ODAD1: variants seen among roughly 807,000 people sequenced by gnomAD.
ODAD1 encodes outer dynein arm docking complex subunit 1, also known as outer dynein arm-docking complex subunit 1.
Under a neutral mutation model 67.2 loss-of-function variants are expected in ODAD1, and 49 were observed. The ratio of observed to expected loss-of-function variants is 0.73; its 90% CI spans 0.58 to 0.92. The LOEUF (loss-of-function observed/expected upper bound fraction) is 0.92, where lower values mean the gene tolerates loss of function less well. ODAD1 is among the 40% of genes least tolerant of loss of function. The pLI is 0.00. For synonymous variants in ODAD1, 345 were observed against 393.7 expected (o/e 0.88, Z 1.46); for missense variants, 897 against 953.7 (o/e 0.94, Z 0.78).
chr19:48,305,287 C>T (rs1459002232), intron 8 of ODAD1, among the ~76,000 whole-genome samples: 1 of 152,162 alleles, frequency 6.6e-6, no homozygotes. Flanking sequence ...TTACAGTGTG[C>T]CTCTATCTGA....
rs531422370 is a variant in ODAD1, at chr19:48,316,594, C to T, written c.360+1793G>A. ...GATACGTGCTTTGCAGATATTTTCT[C>T]CCAGTCTGGACCTTGTCTTTTCATT... On this transcript the variant is annotated intron_variant, in intron 5 of 15. Transcript: ENST00000674294. Among the ~76,000 whole-genome samples the T allele has an allele frequency of 2.6e-5, 4 of 152,276 alleles. No individual in the cohort carries two copies. In the South Asian group the frequency reaches 8.3e-4, roughly 32 times the overall value.
intron 5 of ODAD1, among the ~76,000 whole-genome samples, chr19:48,312,960 G>C (rs993210815): frequency 6.6e-6 from 1 of 152,008 alleles, no homozygotes; most frequent in African/African-American, 2.4e-5. Context: ...GTACTTATTG[G>C]GGTGTGCTCT....
chr19:48,302,664 G>A, intron 12 of ODAD1, 30 bp downstream of exon 12: 1 of 1,583,610 alleles, frequency 6.3e-7, no homozygotes, highest in Non-Finnish European at 8.6e-7. Context: ...GAGAAGCCAG[G>A]CTCGGGAGGG....
Position 48,298,007 on chromosome 19 carries a change from C to A in ODAD1, c.1495G>T (p.Asp499Tyr). 1 of 1,612,730 alleles carries A rather than the reference C, an allele frequency of 6.2e-7. No individual in the cohort carries two copies. The highest frequency in any genetic ancestry group is 1.1e-5 in the South Asian group (1 of 91,060). The change falls in exon 14 of 16, where the codon GAC becomes TAC. Residue 499 changes from aspartate (D) to tyrosine (Y), a missense_variant. Physicochemically the swap from Asp to Tyr is radical, Grantham distance 160. Transcript: ENST00000674294. ...TCCTGCCCTGCGCCTCACAGAGTGT[C>A]AGGGGGCTGAAGTGGGGCCATCTTC... ...PKKMAPLQPPDTLEDPPGFEA... is the reference protein window; with the variant it reads ...PKKMAPLQPPYTLEDPPGFEA...
rs1249145543 is a variant in ODAD1, at chr19:48,320,326, C to T, written c.43G>A (p.Gly15Arg). 2.3e-6 allele frequency: 3 copies of T among 1,289,040 alleles called. No homozygotes were observed. The highest frequency in any genetic ancestry group is 3.0e-6 in the Non-Finnish European group (3 of 988,338). 79.9% of individuals were successfully genotyped at this position (1,289,040 alleles called of 1,614,324 possible). A position where few individuals can be genotyped will look rare whatever the true frequency, so the allele number is the denominator to read the frequency against. The change falls in exon 3 of 16, where the codon GGA becomes AGA. Residue 15 changes from glycine to arginine, a missense_variant. Transcript: ENST00000674294. ...ATTCCCTCCAGAAATGCCTCGCTTC[C>T]CTCCTCGGAGCGGGCGCTCCCTGCC... ...RLAGSARSEE[G>R]SEAFLEGMVD...
intron 5 of ODAD1, among the ~76,000 whole-genome samples, chr19:48,315,389 A>G (rs562236811): frequency 1.3e-5 from 2 of 152,280 alleles, no homozygotes; most frequent in African/African-American, 4.8e-5. Context: ...TACTAAAAAT[A>G]CAAAATTAGC....
chr19:48,309,096 C>T (rs1427981195), intron 7 of ODAD1, among the ~76,000 whole-genome samples: 2 of 152,194 alleles, frequency 1.3e-5, no homozygotes, highest in Non-Finnish European at 2.9e-5. Flanking sequence ...CCCCTCCCCA[C>T]CCCGATCCCT....
At chr19:48,306,989 C>T (rs761887678) in intron 7 of ODAD1, among the ~76,000 whole-genome samples, 7 of 151,942 alleles carry the variant, frequency 4.6e-5, no homozygotes, top group Non-Finnish European at 8.8e-5. Context: ...TTGAGACCAG[C>T]CTGACCAACA....
intron 7 of ODAD1, among the ~76,000 whole-genome samples, chr19:48,309,658 A>T (rs1968707351): frequency 6.6e-6 from 1 of 152,220 alleles, no homozygotes; most frequent in Non-Finnish European, 1.5e-5. Context: ...GGAGGTTTCC[A>T]GCCAGAAAAG....
intron 1 of ODAD1, among the ~76,000 whole-genome samples, chr19:48,321,170 G>A (rs1969020487): frequency 6.6e-6 from 1 of 152,270 alleles, no homozygotes; most frequent in Admixed American, 6.5e-5. Flanking sequence ...CCCGGGAGGC[G>A]GAGGTTGCAG....
intron 12 of ODAD1, among the ~76,000 whole-genome samples, chr19:48,300,124 G>A (rs1192574792): frequency 6.6e-6 from 1 of 151,978 alleles, no homozygotes; most frequent in Non-Finnish European, 1.5e-5. Context: ...CTGCCAACAT[G>A]GCGAAACCCC....
At position 48,313,436 on chromosome 19, in the gene ODAD1, AAAAAAAAAAACC is replaced by A. The variant is rs1279636134; in HGVS notation, c.361-1332_361-1321del. Among the ~76,000 whole-genome samples the A allele has an allele frequency of 6.3e-3, 852 of 136,208 alleles. 27 individuals are homozygous for A. The highest frequency in any genetic ancestry group is 0.023 in the African/African-American group (798 of 34,068). 89.4% of individuals were successfully genotyped at this position (136,208 alleles called of 152,430 possible). A position where few individuals can be genotyped will look rare whatever the true frequency, so the allele number is the denominator to read the frequency against. ...AACAAGACTCCATCTCAAAAAAAAA[AAAAAAAAAAACC>A]AAAAAAAAACCTCACATGTTGAAGT... On this transcript the variant is annotated intron_variant, in intron 5 of 15. Coordinates refer to ENST00000674294, the MANE Select transcript of ODAD1 (RefSeq NM_001364171.2).
intron 12 of ODAD1, among the ~76,000 whole-genome samples, chr19:48,300,108 A>G (rs1008550081): frequency 3.3e-5 from 5 of 151,986 alleles, no homozygotes; most frequent in Admixed American, 6.6e-5. Flanking sequence ...GGAGTTTGAG[A>G]CCAGCCTGCC....
At chr19:48,306,155 G>A in intron 8 of ODAD1, 101 bp downstream of exon 8, 1 of 1,502,968 alleles carries the variant, frequency 6.7e-7, no homozygotes. Flanking sequence ...AATAGGTTCT[G>A]ACGTGTTTCA....
intron 8 of ODAD1, among the ~76,000 whole-genome samples, chr19:48,305,540 G>A (rs1968585244): frequency 1.3e-5 from 2 of 151,950 alleles, no homozygotes. Flanking sequence ...AAGTAGCTGG[G>A]ACCACAGACA....
Position 48,314,834 on chromosome 19 carries a change from G to A in ODAD1, c.361-2718C>T, listed in dbSNP as rs150086822. 7.2e-5 allele frequency among the ~76,000 whole-genome samples: 11 copies of A among 152,026 alleles called. No homozygotes were observed. The East Asian group carries it at 1.8e-3, about 24-fold the overall frequency. On this transcript the variant is annotated intron_variant, in intron 5 of 15. Coordinates refer to ENST00000674294, the MANE Select transcript of ODAD1 (RefSeq NM_001364171.2). Reference sequence around the variant, plus strand: ...CACGTGACTGTAATCCCAGCTACTCGGGTGGCTGAAGCACGAGAATCACTT... The same window carrying A: ...CACGTGACTGTAATCCCAGCTACTCAGGTGGCTGAAGCACGAGAATCACTT...
intron 7 of ODAD1, among the ~76,000 whole-genome samples, chr19:48,309,062 G>A (rs1174004494): frequency 2.0e-5 from 3 of 152,098 alleles, no homozygotes; most frequent in South Asian, 2.1e-4. Context: ...TACCCTGAAC[G>A]GCCCAGGAAA....
chr19:48,308,606 G>A (rs1242551063), intron 7 of ODAD1, among the ~76,000 whole-genome samples: 1 of 152,248 alleles, frequency 6.6e-6, no homozygotes, highest in Non-Finnish European at 1.5e-5. Flanking sequence ...TGATAAAATT[G>A]ATGGCAGTAG....
At chr19:48,306,136 G>GGGAGAAAAAATAGGTTCTGACGT in intron 8 of ODAD1, 120 bp downstream of exon 8, 1 of 1,422,620 alleles carries the variant, frequency 7.0e-7, no homozygotes, top group South Asian at 1.4e-5. Context: ...GGGATATTAT[G>GGGAGAAAAAATAGGTTCTGACGT]GGAGAAAAAA....
Sources: gnomAD v4.1 joint callset for allele counts (sites outside exome capture counted in the v4.1 genomes callset) on GRCh38, gnomAD v4.1.1 for gene constraint, MANE v1.5 for transcripts, NCBI Gene and HGNC (gene_info 2026-07-23, HGNC 2026-07-21) for gene names.